The following MLLT1 variants were observed in gnomAD, a reference collection of about 807,000 sequenced individuals.
The protein encoded by MLLT1 is protein ENL.
A neutral mutation model predicts 55.1 loss-of-function variants in MLLT1; 11 were observed. That is an observed-to-expected ratio of 0.20 (90% CI 0.13 to 0.33). The LOEUF is 0.33. Among genes scored for constraint, MLLT1 ranks in the 10% least tolerant of loss-of-function variants. MLLT1 has a pLI of 1.00. For missense variants in MLLT1, 536 were observed against 760.6 expected (o/e 0.70, Z 3.47); for synonymous variants, 323 against 320.1 (o/e 1.01, Z -0.10).
intron 3 of MLLT1, among the ~76,000 whole-genome samples, chr19:6,250,295 T>C (rs1287894099): frequency 6.6e-6 from 1 of 152,120 alleles, no homozygotes; most frequent in African/African-American, 2.4e-5. Context: ...GTAGAGAAAT[T>C]GGAATGCTTG....
At chr19:6,255,564 T>C (rs1395949478) in intron 3 of MLLT1, among the ~76,000 whole-genome samples, 2 of 152,174 alleles carry the variant, frequency 1.3e-5, no homozygotes, top group Non-Finnish European at 2.9e-5. Context: ...TACTGAAAAC[T>C]ATAAAATATT....
rs778017768 is a variant in MLLT1 at position 6,218,047 on chromosome 19, C to G, written c.1111-6G>C. On this transcript the variant is annotated splice_polypyrimidine_tract_variant and splice_region_variant and intron_variant, in intron 6 of 11. Transcript: ENST00000252674. The stretch of plus-strand genomic sequence containing the variant: ...GACGGGCTTGACTGGGCAGACTTCA[C>G]CCAATGGTGGGATGGGCAGGGAGGG... 1 of 1,605,988 alleles carries G rather than the reference C, an allele frequency of 6.2e-7. No homozygotes were observed. Among genetic ancestry groups the G allele is most frequent in the Non-Finnish European group, 8.5e-7 (1 of 1,176,314 alleles).
rs544990640 is a variant in MLLT1 at position 6,211,885 on chromosome 19, C to G, written c.*1157G>C. 3.8e-6 allele frequency: 4 copies of G among 1,064,258 alleles called. No homozygotes were observed. The African/African-American group carries it at 6.6e-5, about 17-fold the overall frequency. The allele number at this position is 1,064,258 out of a possible 1,614,324, so 65.9% of individuals were successfully genotyped here. The stretch of plus-strand genomic sequence containing the variant: ...GCGGGCGCGGCACCAGCATGAATTG[C>G]GGCGGTGGAGGCCGGGGCGGGCCAG... On this transcript the variant is annotated 3_prime_UTR_variant, in exon 12 of 12. Coordinates refer to ENST00000252674, the MANE Select transcript of MLLT1 (RefSeq NM_005934.4). The surrounding 1 kb of genome is among the most constrained non-coding windows in gnomAD (Gnocchi z 4.6).
In MLLT1 at chr19:6,262,817, T is replaced by TTC. The variant is rs1282752955; in HGVS notation, c.194-509_194-508dup. 9.2e-5 allele frequency among the ~76,000 whole-genome samples: 14 copies of TTC among 151,826 alleles called. No homozygotes were observed. Among genetic ancestry groups the TTC allele is most frequent in the South Asian group, 6.3e-4 (3 of 4,796 alleles). On this transcript the variant is annotated intron_variant, in intron 2 of 11. Transcript: ENST00000252674. The surrounding 1 kb of genome is among the most constrained non-coding windows in gnomAD (Gnocchi z 4.4). ...AGGTGGCTGGGACCCTCCTCCTGGGTTCTAGTTTAGCACCTAATAAGAGCA... is the reference window on the plus strand; with the variant it reads ...AGGTGGCTGGGACCCTCCTCCTGGGTTCTCTAGTTTAGCACCTAATAAGAGCA...
At chr19:6,243,253 G>C (rs1419609683) in intron 3 of MLLT1, among the ~76,000 whole-genome samples, 1 of 152,088 alleles carries the variant, frequency 6.6e-6, no homozygotes, top group Non-Finnish European at 1.5e-5. Context: ...ACCCCGGGAA[G>C]GCTCGGGGAG....
intron 8 of MLLT1, 91 bp from the exon 9 acceptor site, chr19:6,214,129 CGGTG>C (rs2090813869): frequency 2.7e-6 from 2 of 740,224 alleles, no homozygotes; most frequent in African/African-American, 3.7e-5. Context: ...CGCACGGAGT[CGGTG>C]CCTGAGCCCA....
At position 6,270,803 on chromosome 19, in the gene MLLT1, CA is replaced by C. The variant is rs1186833438; in HGVS notation, c.13-45del. 8 of 1,548,130 alleles carry C rather than the reference CA, an allele frequency of 5.2e-6. No homozygotes were observed. Among genetic ancestry groups the C allele is most frequent in the Non-Finnish European group, 6.1e-6 (7 of 1,140,506 alleles). ...GGGAGATGAAGTCAGCACACGCCTC[CA>C]AGCAGGGGACTGTCCCCTTACCCAC... On this transcript the variant is annotated intron_variant, in intron 1 of 11. Transcript: ENST00000252674. This position sits in a 1 kb window ranked among gnomAD's most constrained non-coding sequence, Gnocchi z 7.1.
At chr19:6,257,226 G>A (rs991892881) in intron 3 of MLLT1, among the ~76,000 whole-genome samples, 8 of 151,994 alleles carry the variant, frequency 5.3e-5, no homozygotes, top group African/African-American at 1.9e-4. Context: ...ACATTATCAG[G>A]GCTGGGTGCG....
intron 6 of MLLT1, among the ~76,000 whole-genome samples, chr19:6,218,590 G>A (rs751247133): frequency 6.6e-6 from 1 of 152,142 alleles, no homozygotes; most frequent in Admixed American, 6.5e-5. Context: ...CGTGCACAGG[G>A]GACAGAAGCC....
chr19:6,225,700 G>C (rs2090949985), intron 5 of MLLT1, among the ~76,000 whole-genome samples: 2 of 152,158 alleles, frequency 1.3e-5, no homozygotes, highest in Non-Finnish European at 2.9e-5. Context: ...CACCAGCTGG[G>C]GCCTCCAGGG....
intron 3 of MLLT1, among the ~76,000 whole-genome samples, chr19:6,247,259 G>A (rs2144911267): frequency 6.6e-6 from 1 of 152,326 alleles, no homozygotes; most frequent in Admixed American, 6.5e-5. Context: ...GCAGCAGTGA[G>A]CACACTTAGC....
Position 6,244,987 on chromosome 19 carries a change from G to A in MLLT1, c.277-14274C>T, listed in dbSNP as rs536295475. On this transcript the variant is annotated intron_variant, in intron 3 of 11. Coordinates refer to ENST00000252674, the MANE Select transcript of MLLT1 (RefSeq NM_005934.4). Reference sequence around the variant, plus strand: ...AAATCAGAACCCTCATACCCGGCTGGGGGGGAATGTAAAATGGCACAGCTG... The same window carrying A: ...AAATCAGAACCCTCATACCCGGCTGAGGGGGAATGTAAAATGGCACAGCTG... Among the ~76,000 whole-genome samples, 14 of 152,164 alleles carry A rather than the reference G, an allele frequency of 9.2e-5. No individual in the cohort carries two copies. In the East Asian group the frequency reaches 2.3e-3, roughly 25 times the overall value.
In MLLT1 at chr19:6,261,539, G is replaced by A. The variant is rs566088453; in HGVS notation, c.276+689C>T. On this transcript the variant is annotated intron_variant, in intron 3 of 11. Coordinates refer to ENST00000252674, the MANE Select transcript of MLLT1 (RefSeq NM_005934.4). ...CAGCTGCACTTGTGGGAAAGCAGCC[G>A]GCCATGGACAAGCCACAAGCCAGGA... Among the ~76,000 whole-genome samples the A allele has an allele frequency of 2.6e-3, 400 of 151,954 alleles. 1 individual carries two copies. The highest frequency in any genetic ancestry group is 9.2e-3 in the African/African-American group (380 of 41,450).
In MLLT1 at chr19:6,270,504, G is replaced by T; in HGVS notation, c.193+75C>A. 1 of 1,469,944 alleles carries T rather than the reference G, an allele frequency of 6.8e-7. No individual in the cohort carries two copies. The highest frequency in any genetic ancestry group is 9.2e-7 in the Non-Finnish European group (1 of 1,088,776). 91.1% of individuals were successfully genotyped at this position (1,469,944 alleles called of 1,614,324 possible). The stretch of plus-strand genomic sequence containing the variant: ...GGGGTCCTGCTGCTCCTGAGGGAGG[G>T]GTGGAGCCTGGCCTTGGGAGGAGTG... On this transcript the variant is annotated intron_variant, in intron 2 of 11. Transcript: ENST00000252674. The surrounding 1 kb of genome is among the most constrained non-coding windows in gnomAD (Gnocchi z 7.1).
At chr19:6,216,778 T>C (rs1325659256) in intron 7 of MLLT1, 1 of 475,244 alleles carries the variant, frequency 2.1e-6, no homozygotes, top group East Asian at 3.9e-5. Flanking sequence ...TGGCCGGCAG[T>C]GGGCGCGCAG....
Position 6,240,737 on chromosome 19 carries a change from T to A in MLLT1, c.277-10024A>T, listed in dbSNP as rs1411812333. ...GAACCTCCCGAGACAGCAGGAGAAT[T>A]CAGGGGCAGAGGGAAGGAAAAGGGA... On this transcript the variant is annotated intron_variant, in intron 3 of 11. Transcript: ENST00000252674. The surrounding 1 kb of genome is among the most constrained non-coding windows in gnomAD (Gnocchi z 4.7). Among the ~76,000 whole-genome samples the A allele has an allele frequency of 2.6e-5, 4 of 151,896 alleles. No individual in the cohort carries two copies. Among genetic ancestry groups the A allele is most frequent in the Admixed American group, 2.6e-4 (4 of 15,274 alleles).
At chr19:6,221,396 G>A (rs116870594) in intron 6 of MLLT1, among the ~76,000 whole-genome samples, 5,094 of 152,362 alleles carry the variant, frequency 0.033, 92 homozygotes, top group Middle Eastern at 0.078. Flanking sequence ...ACCAGCTCTT[G>A]CGGCTCAAGT....
At chr19:6,276,077 G>A (rs1381707193) in intron 1 of MLLT1, among the ~76,000 whole-genome samples, 7 of 152,192 alleles carry the variant, frequency 4.6e-5, no homozygotes, top group African/African-American at 1.7e-4. Context: ...CCAGCAGCTG[G>A]CAAAGCTGAG....
intron 3 of MLLT1, among the ~76,000 whole-genome samples, chr19:6,252,614 C>T (rs2144921197): frequency 6.6e-6 from 1 of 152,250 alleles, no homozygotes; most frequent in African/African-American, 2.4e-5. Flanking sequence ...CAGCTGTAAA[C>T]ACCTACATTC....
Sources: allele counts gnomAD v4.1 joint callset (sites outside exome capture counted in the v4.1 genomes callset), GRCh38; gene constraint gnomAD v4.1.1; non-coding constraint Gnocchi (gnomAD v3.1); transcripts MANE v1.5; gene names NCBI Gene and HGNC (gene_info 2026-07-23, HGNC 2026-07-21).